ABLIM2: variants seen among roughly 807,000 people sequenced by gnomAD.
The protein encoded by ABLIM2 is actin binding LIM protein family member 2.
Under a neutral mutation model 97.7 loss-of-function variants are expected in ABLIM2, and 53 were observed. The observed-to-expected ratio is 0.54, with a 90% CI of 0.44 to 0.68. The LOEUF is 0.68. Ranked by LOEUF, ABLIM2 falls within the 30% of genes least tolerant of loss-of-function variation. The pLI is 0.00. For missense variants in ABLIM2, 835 were observed against 867.2 expected (o/e 0.96, Z 0.47); for synonymous variants, 361 against 345.8 (o/e 1.04, Z -0.49).
chr4:8,005,527 A>C lies in ABLIM2; in HGVS notation c.1618+2532T>G. On this transcript the variant is annotated intron_variant, in intron 16 of 20. Coordinates refer to ENST00000447017, the MANE Select transcript of ABLIM2 (RefSeq NM_001130083.2). This position sits in a 1 kb window ranked among gnomAD's most constrained non-coding sequence, Gnocchi z 4.9. ...GCCCACGGACTCAGGTCTGGGGGCT[A>C]CTTGGTGACAATCAAAAGAACCCCG... The C allele has an allele frequency of 2.0e-6, 1 of 502,956 alleles. No individual in the cohort carries two copies. The highest frequency in any genetic ancestry group is 4.1e-6 in the Non-Finnish European group (1 of 245,114). 31.2% of individuals were successfully genotyped at this position (502,956 alleles called of 1,614,324 possible).
chr4:8,053,959 G>A (rs574206364), intron 8 of ABLIM2, among the ~76,000 whole-genome samples: 1 of 152,208 alleles, frequency 6.6e-6, no homozygotes, highest in African/African-American at 2.4e-5. Context: ...CCTTGCCTGT[G>A]GTATTCTGTG....
intron 16 of ABLIM2, 172 bp downstream of exon 16, chr4:8,007,887 A>G (rs2150395939): frequency 7.0e-7 from 1 of 1,419,440 alleles, no homozygotes; most frequent in South Asian, 1.7e-5. Flanking sequence ...AAGCCGGCAA[A>G]CTGCAAAAGC....
rs781270824 is a variant in ABLIM2, at chr4:8,019,580, C to G, written c.1423+38G>C. The stretch of plus-strand genomic sequence containing the variant: ...AAGCAGATGGGTATTGACAGGCATG[C>G]GGGGCAAACCACAGCAGCGGGAGGA... On this transcript the variant is annotated intron_variant, in intron 14 of 20. Coordinates refer to ENST00000447017, the MANE Select transcript of ABLIM2 (RefSeq NM_001130083.2). This position sits in a 1 kb window ranked among gnomAD's most constrained non-coding sequence, Gnocchi z 4.3. The G allele has an allele frequency of 6.3e-7, 1 of 1,582,316 alleles. No homozygotes were observed. Among genetic ancestry groups the G allele is most frequent in the African/African-American group, 1.4e-5 (1 of 73,206 alleles).
chr4:7,969,609 C>T (rs898959119), intron 20 of ABLIM2, among the ~76,000 whole-genome samples: 4 of 152,092 alleles, frequency 2.6e-5, no homozygotes, highest in Non-Finnish European at 5.9e-5. Flanking sequence ...GTGTGGTATG[C>T]CCTGGATTTT....
Position 7,998,610 on chromosome 4 carries a change from C to T in ABLIM2, c.1619-5683G>A, listed in dbSNP as rs1375503083. On this transcript the variant is annotated intron_variant, in intron 16 of 20. Coordinates refer to ENST00000447017, the MANE Select transcript of ABLIM2 (RefSeq NM_001130083.2). This position sits in a 1 kb window ranked among gnomAD's most constrained non-coding sequence, Gnocchi z 6.4. ...AGGACTGCGGGGTGCCTGCTGGCCA[C>T]CTGCCCATCTGCTAGTGTGGCTGCA... 4.0e-6 allele frequency: 2 copies of T among 497,876 alleles called. No individual in the cohort carries two copies. Among genetic ancestry groups the T allele is most frequent in the Non-Finnish European group, 4.0e-6 (1 of 249,746 alleles). 30.8% of individuals were successfully genotyped at this position (497,876 alleles called of 1,614,324 possible).
intron 6 of ABLIM2, among the ~76,000 whole-genome samples, chr4:8,073,918 C>G (rs1377698573): frequency 6.6e-6 from 1 of 151,250 alleles, no homozygotes; most frequent in Non-Finnish European, 1.5e-5. Flanking sequence ...GACATTCTAT[C>G]TCTACCAAAA....
intron 14 of ABLIM2, among the ~76,000 whole-genome samples, chr4:8,012,137 C>T (rs578198142): frequency 6.6e-6 from 1 of 151,366 alleles, no homozygotes; most frequent in Non-Finnish European, 1.5e-5. Context: ...ATCCATCCAT[C>T]CATCCACCCA....
chr4:8,007,739 C>T, intron 16 of ABLIM2: 1 of 1,103,606 alleles, frequency 9.1e-7, no homozygotes, highest in East Asian at 6.2e-5. Context: ...TGACTTCCAC[C>T]CGGCAGCCCG....
intron 11 of ABLIM2, 50 bp downstream of exon 11, chr4:8,029,606 A>C (rs78278183): frequency 1.5e-6 from 2 of 1,317,610 alleles, no homozygotes; most frequent in East Asian, 6.0e-5. Context: ...AAAAAAAAAA[A>C]GGAAAAGGAC....
At chr4:7,984,227 T>C (rs1447567775) in intron 18 of ABLIM2, among the ~76,000 whole-genome samples, 2 of 152,208 alleles carry the variant, frequency 1.3e-5, no homozygotes, top group African/African-American at 4.8e-5. Context: ...GTTCTGGACC[T>C]GCTGGCTCTG....
At position 8,021,964 on chromosome 4, in the gene ABLIM2, G is replaced by A. The variant is rs932963302; in HGVS notation, c.1268-1661C>T. ...CACCCTTGCTGGTCAGGTCACGCTC[G>A]TCAGGATGCTCCACGGTGGACTCCT... On this transcript the variant is annotated intron_variant, in intron 12 of 20. Transcript: ENST00000447017. This position sits in a 1 kb window ranked among gnomAD's most constrained non-coding sequence, Gnocchi z 5.5. Among the ~76,000 whole-genome samples the A allele has an allele frequency of 9.9e-5, 15 of 152,164 alleles. No individual in the cohort carries two copies. The highest frequency in any genetic ancestry group is 1.4e-4 in the African/African-American group (6 of 41,430).
rs778769079 is a variant in ABLIM2, at chr4:8,090,281, G to A, written c.339-1997C>T. Reference sequence around the variant, plus strand: ...GGAGCCCCTCCCCATCCCTGGATGTGCTTGGAGCGAATCTCTGGCTGTTTA... The same window carrying A: ...GGAGCCCCTCCCCATCCCTGGATGTACTTGGAGCGAATCTCTGGCTGTTTA... On this transcript the variant is annotated intron_variant, in intron 3 of 20. Coordinates refer to ENST00000447017, the MANE Select transcript of ABLIM2 (RefSeq NM_001130083.2). Among the ~76,000 whole-genome samples the A allele has an allele frequency of 5.0e-4, 76 of 152,320 alleles. 1 individual carries two copies. Among genetic ancestry groups the A allele is most frequent in the Non-Finnish European group, 8.4e-4 (57 of 68,036 alleles).
At chr4:8,034,737 G>GTGA (rs1164718750) in intron 10 of ABLIM2, among the ~76,000 whole-genome samples, 5 of 90,782 alleles carry the variant, frequency 5.5e-5, no homozygotes, top group African/African-American at 9.4e-5. Context: ...GTGCAGGTGG[G>GTGA]TGGGTAGTAG....
intron 1 of ABLIM2, among the ~76,000 whole-genome samples, chr4:8,141,154 G>C (rs1850920843): frequency 6.6e-6 from 1 of 152,052 alleles, no homozygotes; most frequent in Admixed American, 6.6e-5. Flanking sequence ...TCATAGCCTT[G>C]TCTCTTCCCG....
chr4:8,114,669 G>T (rs1225775104), intron 1 of ABLIM2, among the ~76,000 whole-genome samples: 3 of 152,198 alleles, frequency 2.0e-5, no homozygotes, highest in Non-Finnish European at 4.4e-5. Context: ...CACTGCCTGG[G>T]CTTGGCAAGG....
chr4:8,057,904 G>T (rs1800384190), intron 7 of ABLIM2, among the ~76,000 whole-genome samples: 1 of 152,214 alleles, frequency 6.6e-6, no homozygotes, highest in East Asian at 1.9e-4. Flanking sequence ...GACCAGGCAG[G>T]GTGGGTGCCC....
Position 7,998,821 on chromosome 4 carries a change from C to T in ABLIM2, c.1619-5894G>A, listed in dbSNP as rs767508481. 7.9e-5 allele frequency among the ~76,000 whole-genome samples: 12 copies of T among 152,174 alleles called. No homozygotes were observed. Among genetic ancestry groups the T allele is most frequent in the Admixed American group, 5.9e-4 (9 of 15,276 alleles). ...GTCCCTTGAGGTCCCGAGGCTGCCT[C>T]GCCAGGCCACTTTGCTGTTCCCACC... On this transcript the variant is annotated intron_variant, in intron 16 of 20. Coordinates refer to ENST00000447017, the MANE Select transcript of ABLIM2 (RefSeq NM_001130083.2). The surrounding 1 kb of genome is among the most constrained non-coding windows in gnomAD (Gnocchi z 6.4).
intron 1 of ABLIM2, among the ~76,000 whole-genome samples, chr4:8,114,636 G>C (rs1001894917): frequency 1.3e-5 from 2 of 152,154 alleles, no homozygotes; most frequent in Middle Eastern, 3.2e-3. Context: ...CTCTGGAGCC[G>C]GCCCCATTCT....
At position 8,120,762 on chromosome 4, in the gene ABLIM2, A is replaced by C. The variant is rs988554813; in HGVS notation, c.11-14125T>G. ...CGTGACATCACTAAGTTGAGACTTC[A>C]CTGACTTCACCTAACCTAGCGACCA... On this transcript the variant is annotated intron_variant, in intron 1 of 20. Transcript: ENST00000447017. This position sits in a 1 kb window ranked among gnomAD's most constrained non-coding sequence, Gnocchi z 5.6. 1.3e-5 allele frequency among the ~76,000 whole-genome samples: 2 copies of C among 152,154 alleles called. No individual in the cohort carries two copies. The highest frequency in any genetic ancestry group is 2.9e-5 in the Non-Finnish European group (2 of 68,028).
Sources: allele counts gnomAD v4.1 joint callset (sites outside exome capture counted in the v4.1 genomes callset), GRCh38; gene constraint gnomAD v4.1.1; non-coding constraint Gnocchi (gnomAD v3.1); transcripts MANE v1.5; gene names NCBI Gene and HGNC (gene_info 2026-07-23, HGNC 2026-07-21).